Variants in STPG2 observed in about 807,000 individuals in gnomAD.
The protein encoded by STPG2 is sperm tail PG-rich repeat containing 2, also known as sperm-tail PG-rich repeat-containing protein 2.
Under a neutral mutation model 54.2 loss-of-function variants are expected in STPG2, and 56 were observed. That is an observed-to-expected ratio of 1.03 (90% CI 0.83 to 1.29). STPG2 has a LOEUF of 1.29. STPG2 is among the 50% of genes most tolerant of loss of function. The pLI is 0.00. For missense variants in STPG2, 596 were observed against 544.9 expected, an observed-to-expected ratio of 1.09 and a Z score of -0.93; for synonymous variants, 200 against 181.8, an observed-to-expected ratio of 1.10 and a Z score of -0.81.
At chr4:97,580,291 T>G (rs75520164) in intron 10 of STPG2, among the ~76,000 whole-genome samples, 7,605 of 151,994 alleles carry the variant, frequency 0.05, 271 homozygotes, top group Non-Finnish European at 0.081. Flanking sequence ...CATACACATA[T>G]AATTTATATA....
chr4:97,931,788 A>AT (rs1301555360), intron 8 of STPG2, among the ~76,000 whole-genome samples: 2 of 151,462 alleles, frequency 1.3e-5, no homozygotes, highest in Admixed American at 6.6e-5. Flanking sequence ...CTTCTCCTCA[A>AT]TTTTTTTTAA....
intron 5 of STPG2, among the ~76,000 whole-genome samples, chr4:98,069,256 A>T (rs2110106018): frequency 6.9e-6 from 1 of 145,704 alleles, no homozygotes; most frequent in African/African-American, 2.6e-5. Context: ...TACATAATTG[A>T]AAAGAGTCAT....
At chr4:97,705,905 A>C (rs1264965594) in intron 10 of STPG2, among the ~76,000 whole-genome samples, 1 of 151,972 alleles carries the variant, frequency 6.6e-6, no homozygotes, top group Non-Finnish European at 1.5e-5. Flanking sequence ...TAACATATAT[A>C]ACATATCTAA....
intron 4 of STPG2, among the ~76,000 whole-genome samples, chr4:97,458,179 C>A (rs1231735532): frequency 5.9e-5 from 9 of 152,028 alleles, no homozygotes; most frequent in Non-Finnish European, 1.2e-4. Flanking sequence ...TTCATTGAAA[C>A]CATGTTCAAA....
chr4:97,990,142 T>C (rs182000352), intron 5 of STPG2, among the ~76,000 whole-genome samples: 1 of 152,326 alleles, frequency 6.6e-6, no homozygotes, highest in East Asian at 1.9e-4. Context: ...AAGAAGAATT[T>C]TTTGCATAAA....
chr4:97,947,500 G>A (rs1015295170), intron 7 of STPG2, among the ~76,000 whole-genome samples: 47 of 151,982 alleles, frequency 3.1e-4, no homozygotes, highest in Admixed American at 3.1e-3. Flanking sequence ...CAGTGGGAAT[G>A]ATTTCAACTT....
intron 9 of STPG2, among the ~76,000 whole-genome samples, chr4:97,816,519 T>C (rs1727915729): frequency 6.6e-6 from 1 of 152,160 alleles, no homozygotes; most frequent in Admixed American, 6.6e-5. Context: ...CATTCCTATT[T>C]CAGAGACCTG....
intron 9 of STPG2, among the ~76,000 whole-genome samples, chr4:97,838,588 G>A (rs1281593091): frequency 5.3e-5 from 8 of 150,936 alleles, no homozygotes; most frequent in Non-Finnish European, 3.0e-5. Flanking sequence ...TGATAATATC[G>A]CACTTAAATC....
At chr4:97,562,018 A>G (rs1242541311) in intron 10 of STPG2, among the ~76,000 whole-genome samples, 1 of 152,170 alleles carries the variant, frequency 6.6e-6, no homozygotes, top group Admixed American at 6.5e-5. Flanking sequence ...TTAAATCTAT[A>G]AATTACATTG....
chr4:97,597,366 C>A (rs186645275), intron 10 of STPG2, among the ~76,000 whole-genome samples: 1 of 152,136 alleles, frequency 6.6e-6, no homozygotes, highest in African/African-American at 2.4e-5. Flanking sequence ...CGAAACTATT[C>A]CAAAAAATTG....
chr4:97,464,560 G>A (rs1729744570), intron 4 of STPG2, among the ~76,000 whole-genome samples: 1 of 152,058 alleles, frequency 6.6e-6, no homozygotes, highest in Non-Finnish European at 1.5e-5. Context: ...GGAATTACAG[G>A]TGCACACCAC....
At chr4:97,833,209 C>T (rs1728523215) in intron 9 of STPG2, among the ~76,000 whole-genome samples, 1 of 152,120 alleles carries the variant, frequency 6.6e-6, no homozygotes, top group Non-Finnish European at 1.5e-5. Flanking sequence ...TAACACCACG[C>T]ATCTACAACC....
intron 4 of STPG2, among the ~76,000 whole-genome samples, chr4:97,481,624 A>C (rs2148821272): frequency 6.6e-6 from 1 of 151,668 alleles, no homozygotes; most frequent in Non-Finnish European, 1.5e-5. Context: ...CGGTGGCACA[A>C]TTTCAACTTC....
intron 10 of STPG2, among the ~76,000 whole-genome samples, chr4:97,688,494 G>A (rs186550814): frequency 6.6e-6 from 1 of 152,212 alleles, no homozygotes; most frequent in Admixed American, 6.5e-5. Context: ...AGCCTCCCAA[G>A]TAGCTGGGAC....
At chr4:98,025,499 C>A in intron 5 of STPG2, 1 of 589,826 alleles carries the variant, frequency 1.7e-6, no homozygotes, top group Admixed American at 2.0e-5. Context: ...CTTAGTGATA[C>A]AGGATAAAAA....
At chr4:97,907,501 G>A (rs1412226102) in intron 8 of STPG2, among the ~76,000 whole-genome samples, 2 of 151,976 alleles carry the variant, frequency 1.3e-5, no homozygotes, top group Non-Finnish European at 2.9e-5. Context: ...TTTCTTCACA[G>A]AATTGGAAAA....
chr4:98,080,094 G>C (rs1304949611), intron 5 of STPG2, among the ~76,000 whole-genome samples: 1 of 151,890 alleles, frequency 6.6e-6, no homozygotes, highest in African/African-American at 2.4e-5. Flanking sequence ...AGAAAAATTA[G>C]TATGTATAAA....
intron 8 of STPG2, among the ~76,000 whole-genome samples, chr4:97,886,843 C>T (rs983186530): frequency 4.6e-5 from 7 of 152,160 alleles, no homozygotes; most frequent in Non-Finnish European, 7.4e-5. Context: ...TGCTCGTGAA[C>T]GCTTTAGCGC....
At chr4:97,527,246 G>A in intron 4 of STPG2, among the ~76,000 whole-genome samples, 1 of 152,044 alleles carries the variant, frequency 6.6e-6, no homozygotes, top group East Asian at 1.9e-4. Context: ...GAGAACATGT[G>A]GGGTTTGGTT....
Sources: allele counts gnomAD v4.1 joint callset (sites outside exome capture counted in the v4.1 genomes callset), GRCh38; gene constraint gnomAD v4.1.1; transcripts MANE v1.5; gene names NCBI Gene and HGNC (gene_info 2026-07-23, HGNC 2026-07-21).